NBEA: variants seen among roughly 807,000 people sequenced by gnomAD.
NBEA encodes the protein lysosomal-trafficking regulator 2.
Under a neutral mutation model 343.4 loss-of-function variants are expected in NBEA, and 44 were observed. The observed-to-expected ratio is 0.13, with a 90% CI of 0.10 to 0.16. The LOEUF is 0.16. Among genes scored for constraint, NBEA ranks in the 10% least tolerant of loss-of-function variants. The pLI, the probability that NBEA is intolerant of heterozygous loss-of-function variation, is 1.00. For synonymous variants in NBEA, 1,175 were observed against 1,238.7 expected (o/e 0.95, Z 1.08); for missense variants, 2,555 against 3,631.3 (o/e 0.70, Z 7.62).
At chr13:35,391,454 T>G (rs2042497590) in intron 38 of NBEA, among the ~76,000 whole-genome samples, 1 of 152,130 alleles carries the variant, frequency 6.6e-6, no homozygotes. Context: ...TAAAAGAAGT[T>G]ATTTAAAAGA....
At chr13:35,110,688 A>G (rs1416781925) in intron 12 of NBEA, 122 bp from the exon 13 acceptor site, 4 of 624,740 alleles carry the variant, frequency 6.4e-6, no homozygotes, top group Non-Finnish European at 9.8e-6. Context: ...TTTTAACCTC[A>G]TAATAAATGG....
intron 1 of NBEA, among the ~76,000 whole-genome samples, chr13:34,984,313 A>C (rs1193874865): frequency 6.6e-6 from 1 of 152,124 alleles, no homozygotes; most frequent in African/African-American, 2.4e-5. Flanking sequence ...TCCTTTCCCC[A>C]TTGCTTGTTT....
intron 1 of NBEA, among the ~76,000 whole-genome samples, chr13:35,031,474 G>A (rs1365569812): frequency 6.6e-6 from 1 of 151,564 alleles, no homozygotes; most frequent in Non-Finnish European, 1.5e-5. Context: ...ATACTTCAGA[G>A]GTATTCGATT....
intron 28 of NBEA, among the ~76,000 whole-genome samples, chr13:35,178,613 T>A (rs192183898): frequency 2.6e-5 from 4 of 151,810 alleles, no homozygotes; most frequent in African/African-American, 9.6e-5. Context: ...AATATACCAG[T>A]ATTCCACCAA....
At chr13:35,581,677 G>T in intron 45 of NBEA, among the ~76,000 whole-genome samples, 1 of 136,162 alleles carries the variant, frequency 7.3e-6, no homozygotes, top group Admixed American at 8.4e-5. Flanking sequence ...GGTGGGAATT[G>T]AACAATGAGA....
chr13:35,475,887 C>T (rs1339995726), intron 41 of NBEA: 1 of 1,614,080 alleles, frequency 6.2e-7, no homozygotes, highest in South Asian at 1.1e-5. Flanking sequence ...AGTTGAACAC[C>T]CCCATTTGGT....
At chr13:35,496,049 C>A (rs931614983) in intron 41 of NBEA, among the ~76,000 whole-genome samples, 1 of 151,946 alleles carries the variant, frequency 6.6e-6, no homozygotes, top group Non-Finnish European at 1.5e-5. Context: ...TATACATGAC[C>A]TTCCAGAGGA....
At chr13:35,668,587 G>C (rs933363778) in intron 58 of NBEA, 68 bp downstream of exon 58, 1 of 1,437,986 alleles carries the variant, frequency 7.0e-7, no homozygotes, top group Non-Finnish European at 9.2e-7. Flanking sequence ...ATTCTACCAA[G>C]GGTGAATTGT....
At chr13:35,444,966 A>C (rs189735466) in intron 39 of NBEA, among the ~76,000 whole-genome samples, 1 of 152,272 alleles carries the variant, frequency 6.6e-6, no homozygotes, top group Admixed American at 6.5e-5. Flanking sequence ...ACTTCATGCT[A>C]TCATTCCTGT....
chr13:35,297,068 A>G (rs556040929), intron 35 of NBEA, among the ~76,000 whole-genome samples: 1 of 152,166 alleles, frequency 6.6e-6, no homozygotes, highest in Non-Finnish European at 1.5e-5. Flanking sequence ...GGAAATTGAT[A>G]TTAATGTAGT....
chr13:35,082,670 G>A (rs2064482729), intron 10 of NBEA, among the ~76,000 whole-genome samples: 2 of 152,158 alleles, frequency 1.3e-5, no homozygotes, highest in Non-Finnish European at 1.5e-5. Flanking sequence ...GATGGCCAGT[G>A]ATGATGAGCA....
intron 36 of NBEA, among the ~76,000 whole-genome samples, chr13:35,317,571 T>C (rs2037828607): frequency 6.6e-6 from 1 of 152,218 alleles, no homozygotes; most frequent in Non-Finnish European, 1.5e-5. Context: ...TTGCTTAGGA[T>C]TGTCTTGGCT....
chr13:35,501,443 T>G (rs1319991041), intron 41 of NBEA, among the ~76,000 whole-genome samples: 1 of 152,130 alleles, frequency 6.6e-6, no homozygotes, highest in Non-Finnish European at 1.5e-5. Context: ...TCAAGAATAT[T>G]TGGGCTCTCC....
chr13:34,949,055 AGT>A (rs1261759465), intron 1 of NBEA, among the ~76,000 whole-genome samples: 3 of 152,186 alleles, frequency 2.0e-5, no homozygotes, highest in African/African-American at 7.2e-5. Flanking sequence ...AACCAAATAA[AGT>A]TCTGTCTGAT....
At chr13:35,263,566 G>T (rs973465499) in intron 34 of NBEA, among the ~76,000 whole-genome samples, 13 of 152,092 alleles carry the variant, frequency 8.5e-5, no homozygotes, top group African/African-American at 3.1e-4. Context: ...GACTGAAATT[G>T]TATCAGGTAT....
At chr13:35,520,033 G>A (rs576093070) in intron 41 of NBEA, among the ~76,000 whole-genome samples, 1 of 152,170 alleles carries the variant, frequency 6.6e-6, no homozygotes, top group African/African-American at 2.4e-5. Context: ...TTCTTCCATG[G>A]ACCCAGGGCA....
intron 36 of NBEA, among the ~76,000 whole-genome samples, chr13:35,321,268 A>G (rs1256437020): frequency 6.6e-6 from 1 of 152,000 alleles, no homozygotes; most frequent in African/African-American, 2.4e-5. Flanking sequence ...CCTTCAGTTG[A>G]GGTTTTTGAG....
chr13:35,206,958 TA>T (rs2073435865), intron 31 of NBEA, among the ~76,000 whole-genome samples: 1 of 152,002 alleles, frequency 6.6e-6, no homozygotes, highest in African/African-American at 2.4e-5. Flanking sequence ...GTGCTTTAGG[TA>T]ATTAGATAGA....
At chr13:35,086,808 G>C (rs142451689) in intron 10 of NBEA, among the ~76,000 whole-genome samples, 1 of 151,888 alleles carries the variant, frequency 6.6e-6, no homozygotes, top group African/African-American at 2.4e-5. Flanking sequence ...ACCAGCACCT[G>C]TTATTTTTTG....
Sources: allele counts gnomAD v4.1 joint callset (sites outside exome capture counted in the v4.1 genomes callset), GRCh38; gene constraint gnomAD v4.1.1; transcripts MANE v1.5; gene names NCBI Gene and HGNC (gene_info 2026-07-23, HGNC 2026-07-21).